The following MAGI1 variants were observed in gnomAD, a reference collection of about 807,000 sequenced individuals.
MAGI1 encodes the protein membrane-associated guanylate kinase, WW and PDZ domain-containing protein 1.
Under a neutral mutation model 139.9 loss-of-function variants are expected in MAGI1, and 58 were observed. The observed-to-expected ratio is 0.41, with a 90% CI of 0.34 to 0.52. The LOEUF is 0.52. Among genes scored for constraint, MAGI1 ranks in the 20% least tolerant of loss-of-function variants. The pLI is 0.12. For synonymous variants in MAGI1, 812 were observed against 737.9 expected (o/e 1.10, Z -1.63); for missense variants, 1,874 against 1,901.6 (o/e 0.99, Z 0.27).
chr3:65,605,966 C>G (rs1172614572), intron 2 of MAGI1, among the ~76,000 whole-genome samples: 1 of 152,168 alleles, frequency 6.6e-6, no homozygotes, highest in Non-Finnish European at 1.5e-5. Context: ...TCCTTTGCAT[C>G]CATTCAACTC....
At chr3:65,360,320 A>C in intron 22 of MAGI1, 1 of 984,274 alleles carries the variant, frequency 1.0e-6, no homozygotes, top group Non-Finnish European at 1.2e-6. Flanking sequence ...TGGTTGGGAA[A>C]AAAAGCCCTA....
chr3:65,579,583 C>T (rs572522089), intron 2 of MAGI1, among the ~76,000 whole-genome samples: 14 of 152,172 alleles, frequency 9.2e-5, no homozygotes, highest in Non-Finnish European at 7.3e-5. Flanking sequence ...CAGTGGCTCA[C>T]GCCTGTAATC....
At chr3:65,364,446 T>A (rs1342661362) in intron 20 of MAGI1, among the ~76,000 whole-genome samples, 1 of 152,180 alleles carries the variant, frequency 6.6e-6, no homozygotes, top group African/African-American at 2.4e-5. Context: ...GCTTTTCATT[T>A]TTTTTCCCCT....
intron 2 of MAGI1, among the ~76,000 whole-genome samples, chr3:65,610,559 G>C (rs2082995199): frequency 6.6e-6 from 1 of 150,938 alleles, no homozygotes; most frequent in African/African-American, 2.4e-5. Flanking sequence ...AAGTGAACTT[G>C]AGACTGTGTA....
At chr3:65,617,998 TG>T (rs1411235286) in intron 2 of MAGI1, among the ~76,000 whole-genome samples, 1 of 151,972 alleles carries the variant, frequency 6.6e-6, no homozygotes, top group Non-Finnish European at 1.5e-5. Context: ...GAGTGCAGCT[TG>T]GGGAGTAGGG....
At chr3:65,842,160 T>C (rs1195114146) in intron 1 of MAGI1, among the ~76,000 whole-genome samples, 1 of 152,174 alleles carries the variant, frequency 6.6e-6, no homozygotes, top group Non-Finnish European at 1.5e-5. Context: ...TATGGAGCCC[T>C]TTCCTAGAGA....
chr3:65,838,774 T>C (rs1414692093), intron 1 of MAGI1, among the ~76,000 whole-genome samples: 3 of 152,242 alleles, frequency 2.0e-5, no homozygotes, highest in Non-Finnish European at 4.4e-5. Flanking sequence ...GTTGTAAATG[T>C]ATATTTAATT....
chr3:65,519,609 C>T (rs929731507), intron 2 of MAGI1, among the ~76,000 whole-genome samples: 1 of 152,244 alleles, frequency 6.6e-6, no homozygotes, highest in African/African-American at 2.4e-5. Context: ...TGGTCTCAAA[C>T]TCCTGACCTC....
chr3:65,827,780 TTCTCTTG>T (rs1365402990), intron 1 of MAGI1, among the ~76,000 whole-genome samples: 1 of 152,234 alleles, frequency 6.6e-6, no homozygotes, highest in Non-Finnish European at 1.5e-5. Flanking sequence ...GGGATATTTT[TTCTCTTG>T]TCTCTTGTCA....
chr3:65,597,990 G>C (rs2082306109), intron 2 of MAGI1: 2 of 444,764 alleles, frequency 4.5e-6, no homozygotes. Flanking sequence ...CCTGACCACA[G>C]AGCGGTTTTT....
intron 4 of MAGI1, among the ~76,000 whole-genome samples, chr3:65,470,739 T>C (rs1333478575): frequency 2.0e-5 from 3 of 152,170 alleles, no homozygotes; most frequent in Non-Finnish European, 4.4e-5. Flanking sequence ...TCCCAAGTAA[T>C]GCATTGCTCA....
intron 1 of MAGI1, among the ~76,000 whole-genome samples, chr3:65,713,622 C>T (rs371714230): frequency 2.6e-5 from 4 of 152,100 alleles, no homozygotes; most frequent in African/African-American, 9.7e-5. Flanking sequence ...TAGTTAAGCA[C>T]AAGGCTTAAG....
At chr3:65,869,759 G>A (rs1341960784) in intron 1 of MAGI1, among the ~76,000 whole-genome samples, 1 of 152,100 alleles carries the variant, frequency 6.6e-6, no homozygotes, top group African/African-American at 2.4e-5. Context: ...CACATAGTAG[G>A]TACTCCATAA....
At chr3:65,448,894 T>C (rs1234903091) in intron 6 of MAGI1, among the ~76,000 whole-genome samples, 1 of 152,014 alleles carries the variant, frequency 6.6e-6, no homozygotes, top group Non-Finnish European at 1.5e-5. Flanking sequence ...ACAAAAATCA[T>C]TTCATACATA....
rs1334296580 is a variant in MAGI1 at position 65,625,213 on chromosome 3, A to T, written c.314-3125T>A. Among the ~76,000 whole-genome samples the T allele has an allele frequency of 3.3e-5, 5 of 152,314 alleles. No individual in the cohort carries two copies. The East Asian group carries it at 7.7e-4, about 24-fold the overall frequency. ...TGATTGAGATTAATAACATTGGTTT[A>T]TATATTTGTCAAAATTCACAGAACT... is the stretch of plus-strand genomic sequence containing the variant. On this transcript the variant is annotated intron_variant, in intron 1 of 22. Transcript: ENST00000402939.
intron 2 of MAGI1, among the ~76,000 whole-genome samples, chr3:65,567,227 T>C (rs2080704464): frequency 6.6e-6 from 1 of 151,860 alleles, no homozygotes; most frequent in South Asian, 2.1e-4. Context: ...TAAAATCTTG[T>C]GAATGTATCC....
intron 1 of MAGI1, among the ~76,000 whole-genome samples, chr3:65,752,651 T>C (rs950244158): frequency 2.0e-5 from 3 of 152,194 alleles, no homozygotes; most frequent in African/African-American, 7.2e-5. Context: ...ACAAAGACTC[T>C]CTACTTGATC....
chr3:65,636,323 G>T (rs1273966434), intron 1 of MAGI1, among the ~76,000 whole-genome samples: 3 of 152,052 alleles, frequency 2.0e-5, no homozygotes, highest in Admixed American at 6.6e-5. Context: ...AAATATTTAG[G>T]GGAGAGAGTT....
chr3:65,606,621 G>T (rs2082756551), intron 2 of MAGI1, among the ~76,000 whole-genome samples: 1 of 152,152 alleles, frequency 6.6e-6, no homozygotes, highest in Non-Finnish European at 1.5e-5. Flanking sequence ...AGGCTCAAGT[G>T]ACTCTCCTGC....
Sources: allele counts gnomAD v4.1 joint callset (sites outside exome capture counted in the v4.1 genomes callset), GRCh38; gene constraint gnomAD v4.1.1; transcripts MANE v1.5; gene names NCBI Gene and HGNC (gene_info 2026-07-23, HGNC 2026-07-21).